Variants in EXOC3 observed in about 807,000 individuals in gnomAD.
EXOC3 encodes exocyst complex component 3.
In EXOC3, 21 loss-of-function variants were observed where a neutral mutation model predicts 73.7. The ratio of observed to expected loss-of-function variants is 0.29; its 90% CI spans 0.20 to 0.41. EXOC3 has a LOEUF of 0.41. Ranked by LOEUF, EXOC3 falls within the 10% of genes least tolerant of loss-of-function variation. EXOC3 has a pLI of 1.00. For missense variants in EXOC3, 842 were observed against 985.1 expected (o/e 0.85, Z 1.95); for synonymous variants, 410 against 389.1 (o/e 1.05, Z -0.63).
At chr5:461,195 A>G (rs1029195376) in intron 7 of EXOC3, among the ~76,000 whole-genome samples, 3 of 152,184 alleles carry the variant, frequency 2.0e-5, no homozygotes, top group Admixed American at 6.5e-5. Flanking sequence ...ATGCTTTCCC[A>G]ATTCCTCACA....
At position 464,361 on chromosome 5, in the gene EXOC3, C is replaced by T. The variant is rs749373331; in HGVS notation, c.1725C>T (p.Thr575=). The T allele has an allele frequency of 8.7e-6, 14 of 1,613,538 alleles. No homozygotes were observed. The highest frequency in any genetic ancestry group is 1.6e-4 in the Middle Eastern group (1 of 6,084). Residue 575 remains threonine, a synonymous_variant, in exon 10 of 13, where the codon ACC becomes ACT. Coordinates refer to ENST00000512944, the MANE Select transcript of EXOC3 (RefSeq NM_007277.5). ...GSNAVDIICV[T]VEDYFNDFAK... ...ACGCTGTAGACATTATCTGTGTCAC[C>T]GTGGAAGACTATTTCAACGATTTTG...
chr5:448,221 G>T (rs1202737057), intron 3 of EXOC3, among the ~76,000 whole-genome samples: 1 of 152,238 alleles, frequency 6.6e-6, no homozygotes, highest in Non-Finnish European at 1.5e-5. Context: ...ACAGGCCAGG[G>T]CAGAGGCGGG....
At position 453,808 on chromosome 5, in the gene EXOC3, G is replaced by A. The variant is rs1458812921; in HGVS notation, c.803G>A (p.Arg268Lys). The change falls in exon 4 of 13, where the codon AGA becomes AAA. Residue 268 changes from arginine to lysine, a missense_variant. Transcript: ENST00000512944. ...TRIEGTQADT[R>K]ESDKMWLVRH... Reference sequence around the variant, plus strand: ...ATTGAGGGCACACAGGCAGATACCAGAGAGTCTGACAAGATGTGGCTTGTC... The same window carrying A: ...ATTGAGGGCACACAGGCAGATACCAAAGAGTCTGACAAGATGTGGCTTGTC... 1 of 1,613,986 alleles carries A rather than the reference G, an allele frequency of 6.2e-7. No individual in the cohort carries two copies. The highest frequency in any genetic ancestry group is 2.2e-5 in the East Asian group (1 of 44,886).
intron 6 of EXOC3, among the ~76,000 whole-genome samples, chr5:458,367 T>C (rs1560938759): frequency 6.6e-6 from 1 of 152,362 alleles, no homozygotes; most frequent in East Asian, 1.9e-4. Context: ...TCCTAAAAAA[T>C]GGCACATGAT....
chr5:454,732 C>T (rs572035744), intron 4 of EXOC3, among the ~76,000 whole-genome samples: 3 of 151,944 alleles, frequency 2.0e-5, no homozygotes, highest in African/African-American at 4.8e-5. Flanking sequence ...ATTAGGTAGC[C>T]GAAATGAAAA....
chr5:458,104 A>T, intron 6 of EXOC3, 79 bp downstream of exon 6: 1 of 1,438,794 alleles, frequency 7.0e-7, no homozygotes, highest in Non-Finnish European at 9.5e-7. Context: ...AGTGACACAG[A>T]TACCTGGGAT....
chr5:453,291 G>T lies in EXOC3; in HGVS notation c.365-79G>T. 2.8e-6 allele frequency: 3 copies of T among 1,084,816 alleles called. 1 individual carries two copies. The highest frequency in any genetic ancestry group is 4.9e-5 in the Admixed American group (2 of 40,920). 67.2% of individuals were successfully genotyped at this position (1,084,816 alleles called of 1,614,324 possible). The stretch of plus-strand genomic sequence containing the variant: ...GGGAGATGTGGCTTCCTGCTCTGCC[G>T]TGTTCCCAGAACACCGCATGCAGGC... On this transcript the variant is annotated intron_variant, in intron 3 of 12. Transcript: ENST00000512944.
Position 453,980 on chromosome 5 carries a change from C to T in EXOC3, c.975C>T (p.Asp325=). 1.9e-6 allele frequency: 3 copies of T among 1,613,872 alleles called. No individual in the cohort carries two copies. Among genetic ancestry groups the T allele is most frequent in the Non-Finnish European group, 2.5e-6 (3 of 1,179,822 alleles). The change falls in exon 4 of 13, where the codon GAC becomes GAT. Residue 325 remains aspartate (D), a synonymous_variant. Transcript: ENST00000512944. ...AAGCCCTGAGCACGCGGATGCAGGA[C>T]CTCGCATCGGAAGACCTGGAAGCCA... The part of the protein sequence containing the change: ...YHQALSTRMQ[D]LASEDLEANE...
In EXOC3 at chr5:447,525, C is replaced by G; in HGVS notation, c.145-8C>G. ...GGCTCTGCTCACCCGTGTGGCGTCT[C>G]TCTTTAGGCCGCCATCCAGTCACAG... is the stretch of plus-strand genomic sequence containing the variant. On this transcript the variant is annotated splice_polypyrimidine_tract_variant and splice_region_variant and intron_variant, in intron 2 of 12. Transcript: ENST00000512944. 2 of 1,544,190 alleles carry G rather than the reference C, an allele frequency of 1.3e-6. No individual in the cohort carries two copies. Among genetic ancestry groups the G allele is most frequent in the Non-Finnish European group, 1.8e-6 (2 of 1,140,474 alleles).
Position 454,070 on chromosome 5 carries a change from CT to C in EXOC3, c.1046+20del. On this transcript the variant is annotated intron_variant, in intron 4 of 12. Transcript: ENST00000512944. Reference sequence around the variant, plus strand: ...ACACAAGGTAAAGCTAACCTGGCGCCTGTGTTGGCTCTTAGGTAGAAGCCGT... The same window carrying C: ...ACACAAGGTAAAGCTAACCTGGCGCCGTGTTGGCTCTTAGGTAGAAGCCGT... 6.4e-7 allele frequency: 1 copy of C among 1,564,052 alleles called. No homozygotes were observed. The highest frequency in any genetic ancestry group is 8.7e-7 in the Non-Finnish European group (1 of 1,154,956).
At position 447,662 on chromosome 5, in the gene EXOC3, A is replaced by G. The variant is rs763211435; in HGVS notation, c.274A>G (p.Thr92Ala). 5.0e-6 allele frequency: 8 copies of G among 1,589,204 alleles called. No homozygotes were observed. The highest frequency in any genetic ancestry group is 6.9e-6 in the Non-Finnish European group (8 of 1,167,826). ...VSKDWRQSIN[T>A]IESLKDVKDA... ...CAAGGACTGGAGGCAGAGCATCAAC[A>G]CCATTGAGAGCCTCAAGGACGTCAA... The change falls in exon 3 of 13, where the codon ACC becomes GCC. Residue 92 changes from threonine (T) to alanine (A), a missense_variant. By Grantham distance (58) the Thr-to-Ala change is moderately conservative. Transcript: ENST00000512944.
intron 1 of EXOC3, among the ~76,000 whole-genome samples, chr5:445,343 CTTT>C (rs1207131595): frequency 1.9e-5 from 1 of 52,018 alleles, no homozygotes; most frequent in Non-Finnish European, 4.2e-5. Flanking sequence ...ATGACTTTTT[CTTT>C]TTTTTTCTTT....
At chr5:464,753 C>T (rs910327381) in intron 10 of EXOC3, 2 of 415,236 alleles carry the variant, frequency 4.8e-6, no homozygotes, top group Admixed American at 4.0e-5. Flanking sequence ...CCAGGTTCCT[C>T]TTTCCTCCAA....
At chr5:447,800 C>A in intron 3 of EXOC3, 48 bp downstream of exon 3, 1 of 1,338,032 alleles carries the variant, frequency 7.5e-7, no homozygotes, top group Non-Finnish European at 1.0e-6. Context: ...GCTGTCTTTG[C>A]ATGACTCACT....
At chr5:465,687 G>T in intron 11 of EXOC3, 31 bp from the exon 12 acceptor site, 1 of 1,613,162 alleles carries the variant, frequency 6.2e-7, no homozygotes. Flanking sequence ...GACAGCCGAG[G>T]GCGGCTCCTC....
intron 7 of EXOC3, 160 bp downstream of exon 7, chr5:459,619 G>A (rs77253901): frequency 0.034 from 17,202 of 503,924 alleles, 395 homozygotes; most frequent in Middle Eastern, 0.06. Context: ...GGGAGGGAGC[G>A]GAGCTTCTGG....
intron 3 of EXOC3, 91 bp downstream of exon 3, chr5:447,843 G>A (rs903764527): frequency 6.7e-6 from 6 of 893,412 alleles, no homozygotes; most frequent in Admixed American, 5.3e-5. Context: ...TTTGCAGCCC[G>A]CACTGTAGAC....
intron 3 of EXOC3, among the ~76,000 whole-genome samples, chr5:450,220 A>G (rs143365392): frequency 6.6e-6 from 1 of 152,236 alleles, no homozygotes; most frequent in African/African-American, 2.4e-5. Context: ...CACTCCAGCC[A>G]GGGGGACAAG....
intron 4 of EXOC3, 54 bp from the exon 5 acceptor site, chr5:456,835 A>G (rs1737831216): frequency 1.5e-6 from 2 of 1,346,552 alleles, no homozygotes; most frequent in Non-Finnish European, 2.1e-6. Context: ...ACACTTGGGC[A>G]TGCTCTTCTG....
Sources: allele counts gnomAD v4.1 joint callset (sites outside exome capture counted in the v4.1 genomes callset), GRCh38; gene constraint gnomAD v4.1.1; transcripts MANE v1.5; gene names NCBI Gene and HGNC (gene_info 2026-07-23, HGNC 2026-07-21).